The following CDH23 variants were observed in gnomAD, a reference collection of about 807,000 sequenced individuals.
The protein encoded by CDH23 is cadherin related 23, also known as cadherin-23.
Under a neutral mutation model 317.1 loss-of-function variants are expected in CDH23, and 189 were observed. The observed-to-expected ratio is 0.60, with a 90% CI of 0.53 to 0.67. The LOEUF is 0.67. CDH23 is among the 30% of genes least tolerant of loss of function. The probability of loss-of-function intolerance (pLI) is 0.00; values close to 1 mark genes in which losing one functional copy is unlikely to be tolerated. For missense variants in CDH23, 4,401 were observed against 4,592.4 expected, an observed-to-expected ratio of 0.96 and a Z score of 1.20; for synonymous variants, 1,839 against 1,876.8, an observed-to-expected ratio of 0.98 and a Z score of 0.52.
intron 6 of CDH23, among the ~76,000 whole-genome samples, chr10:71,516,236 G>A (rs1007334200): frequency 6.6e-6 from 1 of 152,198 alleles, no homozygotes; most frequent in Admixed American, 6.5e-5. Context: ...GACAGGTCCT[G>A]TACAGATCCT....
At chr10:71,420,482 G>A (rs200490242) in intron 1 of CDH23, among the ~76,000 whole-genome samples, 21 of 80,838 alleles carry the variant, frequency 2.6e-4, no homozygotes, top group East Asian at 6.8e-4. Flanking sequence ...GATGATGATG[G>A]TGATGGTGAT....
intron 6 of CDH23, among the ~76,000 whole-genome samples, chr10:71,554,728 A>ATTTT (rs66679909): frequency 6.8e-6 from 1 of 147,462 alleles, no homozygotes; most frequent in African/African-American, 2.5e-5. Flanking sequence ...AGTTGTGAGA[A>ATTTT]TTTTTTTTTT....
At chr10:71,578,637 C>T (rs1272714449) in intron 9 of CDH23, among the ~76,000 whole-genome samples, 7 of 152,130 alleles carry the variant, frequency 4.6e-5, no homozygotes, top group Admixed American at 1.3e-4. Context: ...GTTCGGCTGT[C>T]CCAGGGCTGG....
intron 6 of CDH23, among the ~76,000 whole-genome samples, chr10:71,562,627 C>A (rs1857191908): frequency 6.6e-6 from 1 of 152,214 alleles, no homozygotes; most frequent in Non-Finnish European, 1.5e-5. Flanking sequence ...GAGCTGAGAC[C>A]CATGCAGGCC....
chr10:71,791,354 C>G lies in CDH23; in HGVS notation c.6253+19C>G. The G allele has an allele frequency of 6.2e-7, 1 of 1,607,074 alleles. No homozygotes were observed. Among genetic ancestry groups the G allele is most frequent in the South Asian group, 1.1e-5 (1 of 90,076 alleles). ...CCGCCTGGTAAGCAGGGGACAGGCCCCAGCACCCCACAACCAGGGGCCGGT... is the reference window on the plus strand; with the variant it reads ...CCGCCTGGTAAGCAGGGGACAGGCCGCAGCACCCCACAACCAGGGGCCGGT... On this transcript the variant is annotated intron_variant, in intron 47 of 69. Coordinates refer to ENST00000224721, the MANE Select transcript of CDH23 (RefSeq NM_022124.6).
intron 18 of CDH23, among the ~76,000 whole-genome samples, chr10:71,683,484 C>A (rs1864742417): frequency 6.6e-6 from 1 of 152,182 alleles, no homozygotes; most frequent in Admixed American, 6.5e-5. Flanking sequence ...GTCTTCTCAA[C>A]CCGAGGCTGA....
intron 45 of CDH23, among the ~76,000 whole-genome samples, chr10:71,789,491 A>G (rs1173154625): frequency 1.3e-5 from 2 of 152,044 alleles, no homozygotes; most frequent in Non-Finnish European, 2.9e-5. Flanking sequence ...CCCCACACAC[A>G]TGCACTGACC....
At chr10:71,402,138 G>A (rs1012245879) in intron 1 of CDH23, among the ~76,000 whole-genome samples, 3 of 152,164 alleles carry the variant, frequency 2.0e-5, no homozygotes, top group Admixed American at 6.5e-5. Flanking sequence ...GGGCCTCAGG[G>A]TTTGCGGTCT....
chr10:71,551,867 G>A (rs1451219146), intron 6 of CDH23, among the ~76,000 whole-genome samples: 1 of 152,128 alleles, frequency 6.6e-6, no homozygotes, highest in Non-Finnish European at 1.5e-5. Context: ...ACCTCCCCCA[G>A]CAGGGACAGA....
intron 6 of CDH23, among the ~76,000 whole-genome samples, chr10:71,542,345 G>T (rs1484782776): frequency 6.6e-6 from 1 of 152,188 alleles, no homozygotes; most frequent in Non-Finnish European, 1.5e-5. Flanking sequence ...GGGAGAGTGG[G>T]ATAGAGGACA....
chr10:71,741,088 G>A lies in CDH23; in HGVS notation c.4617+138G>A, dbSNP rs574494676. The A allele has an allele frequency of 1.9e-4, 185 of 976,866 alleles. 1 individual carries two copies. Among genetic ancestry groups the A allele is most frequent in the South Asian group, 1.6e-3 (111 of 69,346 alleles). 60.5% of individuals were successfully genotyped at this position (976,866 alleles called of 1,614,324 possible). A position where few individuals can be genotyped will look rare whatever the true frequency, so the allele number is the denominator to read the frequency against. ...CATGGATGGGAACTGTGGCTCATTC[G>A]TAGTGATAGCCCTAACGCCTAGCCT... On this transcript the variant is annotated intron_variant, in intron 37 of 69. Transcript: ENST00000224721.
intron 26 of CDH23, chr10:71,707,600 T>C (rs189643577): frequency 1.1e-6 from 1 of 908,678 alleles, no homozygotes; most frequent in East Asian, 1.0e-4. Context: ...AATGGATTAG[T>C]GATGTCTGCC....
chr10:71,720,671 C>T (rs1213816467), intron 28 of CDH23, among the ~76,000 whole-genome samples: 5 of 152,198 alleles, frequency 3.3e-5, no homozygotes, highest in African/African-American at 1.2e-4. Flanking sequence ...TCCCTCCTGC[C>T]CTTGCCCATA....
rs148060812 is a variant in CDH23 at position 71,568,060 on chromosome 10, C to T, written c.624+1124C>T. Among the ~76,000 whole-genome samples, 789 of 152,302 alleles carry T rather than the reference C, an allele frequency of 5.2e-3. 1 individual carries two copies. The highest frequency in any genetic ancestry group is 0.014 in the Middle Eastern group (4 of 294). On this transcript the variant is annotated intron_variant, in intron 7 of 69. Transcript: ENST00000224721. ...GAATCCAGTTTTGAAAGATGGGGTG[C>T]CCCCAGACTTGGCCAAGATGCAGAG...
At chr10:71,494,168 C>G (rs766026117) in intron 3 of CDH23, among the ~76,000 whole-genome samples, 2 of 152,182 alleles carry the variant, frequency 1.3e-5, no homozygotes, top group Admixed American at 6.5e-5. Context: ...GTGCCAAGCT[C>G]ATCATAACTG....
At chr10:71,485,480 G>A (rs931600813) in intron 3 of CDH23, among the ~76,000 whole-genome samples, 4 of 152,194 alleles carry the variant, frequency 2.6e-5, no homozygotes, top group African/African-American at 4.8e-5. Flanking sequence ...CCATGTCTGC[G>A]ACATTCCAGG....
At chr10:71,509,903 G>C (rs1853858365) in intron 3 of CDH23, 179 bp from the exon 4 acceptor site, 2 of 632,036 alleles carry the variant, frequency 3.2e-6, no homozygotes, top group African/African-American at 1.8e-5. Context: ...GACCAGGGTG[G>C]AGGTGGGGTA....
chr10:71,766,011 C>G (rs1461696867), intron 38 of CDH23, among the ~76,000 whole-genome samples: 1 of 152,142 alleles, frequency 6.6e-6, no homozygotes, highest in Non-Finnish European at 1.5e-5. Context: ...GGAGGACACT[C>G]GAAGGCATGG....
At chr10:71,777,196 A>G (rs1340664893) in intron 38 of CDH23, among the ~76,000 whole-genome samples, 1 of 152,254 alleles carries the variant, frequency 6.6e-6, no homozygotes, top group Admixed American at 6.5e-5. Context: ...TTTCATTTAC[A>G]TGAACAATAG....
Sources: allele counts gnomAD v4.1 joint callset (sites outside exome capture counted in the v4.1 genomes callset), GRCh38; gene constraint gnomAD v4.1.1; transcripts MANE v1.5; gene names NCBI Gene and HGNC (gene_info 2026-07-23, HGNC 2026-07-21).